TLE2: variants seen among roughly 807,000 people sequenced by gnomAD.
TLE2 encodes the protein TLE family member 2, transcriptional corepressor.
Under a neutral mutation model 97.2 loss-of-function variants are expected in TLE2, and 74 were observed. That is an observed-to-expected ratio of 0.76 (90% confidence interval 0.63 to 0.92). The LOEUF is 0.92. Ranked by LOEUF, TLE2 falls within the 40% of genes least tolerant of loss-of-function variation. The pLI, the probability that TLE2 is intolerant of heterozygous loss-of-function variation, is 0.00. For missense variants in TLE2, 1,038 were observed against 1,008.7 expected, an observed-to-expected ratio of 1.03 and a Z score of -0.39; for synonymous variants, 499 against 432.1, an observed-to-expected ratio of 1.15 and a Z score of -1.92.
At chr19:3,015,600 G>A in intron 9 of TLE2, 53 bp downstream of exon 9, 1 of 1,450,292 alleles carries the variant, frequency 6.9e-7, no homozygotes. Flanking sequence ...TGAGGGGCCA[G>A]GCTGGTCTGG....
chr19:3,020,153 T>G (rs2089807569), intron 5 of TLE2: 1 of 208,370 alleles, frequency 4.8e-6, no homozygotes, highest in South Asian at 8.6e-5. Flanking sequence ...GGAGAATCGC[T>G]TGAACCCGGG....
intron 13 of TLE2, 71 bp downstream of exon 13, chr19:3,009,471 T>C (rs2089543928): frequency 1.3e-6 from 2 of 1,481,690 alleles, no homozygotes; most frequent in East Asian, 4.8e-5. Context: ...CCTTGTGTAG[T>C]TGGTTTCTCC....
Position 3,005,752 on chromosome 19 carries a change from C to T in TLE2, c.1717G>A (p.Val573Ile), listed in dbSNP as rs371755300. The T allele has an allele frequency of 6.2e-6, 10 of 1,613,816 alleles. No homozygotes were observed. The highest frequency in any genetic ancestry group is 1.3e-5 in the African/African-American group (1 of 74,920). The change falls in exon 16 of 20, where the codon GTC (valine) becomes ATC (isoleucine). Residue 573 changes from valine (V) to isoleucine (I), a missense_variant. Val to Ile is a conservative substitution (Grantham distance 29). Coordinates refer to ENST00000262953, the MANE Select transcript of TLE2 (RefSeq NM_003260.5). ...FSCCSDGNIV[V>I]WDLQNQTMVR... ...ATAGTCTGATTCTGCAGGTCCCAGA[C>T]CACAATGTTGCCATCGCTGCAGCAG...
At chr19:3,028,859 C>T (rs750792928) in intron 1 of TLE2, 22 bp downstream of exon 1, 53 of 1,611,656 alleles carry the variant, frequency 3.3e-5, no homozygotes, top group Admixed American at 1.0e-4. Context: ...CTGGGGGCCC[C>T]CTCCCCGCAG....
chr19:3,043,268 A>G (rs2090117682), intron 1 of TLE2, among the ~76,000 whole-genome samples: 1 of 148,906 alleles, frequency 6.7e-6, no homozygotes, highest in African/African-American at 2.5e-5. Context: ...ATCGTACACT[A>G]CCATGCCCGG....
intron 15 of TLE2, 77 bp downstream of exon 15, chr19:3,006,343 T>G (rs2089476849): frequency 6.5e-7 from 1 of 1,542,602 alleles, no homozygotes; most frequent in Admixed American, 1.8e-5. Context: ...ACGGCCAGCC[T>G]GCGAACACCG....
At chr19:3,039,572 C>T (rs1371862435) in intron 1 of TLE2, among the ~76,000 whole-genome samples, 1 of 152,178 alleles carries the variant, frequency 6.6e-6, no homozygotes, top group East Asian at 1.9e-4. Context: ...CCTACCTGCT[C>T]AGCTTCCCTC....
rs201746954 is a variant in TLE2 at position 3,000,671 on chromosome 19, C to T, written c.2100G>A (p.Thr700=). ...CCTGGAAAATGCTGGCCCCGTACGG[C>T]GTCCTCCAGGCGTTGAGCAGGTTGT... The part of the protein sequence containing the change: ...GKDNLLNAWR[T]PYGASIFQSK... Residue 700 remains threonine, a synonymous_variant, in exon 19 of 20, where the codon ACG becomes ACA. Coordinates refer to ENST00000262953, the MANE Select transcript of TLE2 (RefSeq NM_003260.5). The T allele has an allele frequency of 1.2e-5, 19 of 1,592,892 alleles. No homozygotes were observed. Among genetic ancestry groups the T allele is most frequent in the Middle Eastern group, 1.7e-4 (1 of 5,984 alleles).
upstream of TLE2, among the ~76,000 whole-genome samples, chr19:3,046,911 C>T (rs1169989200): frequency 3.0e-4 from 38 of 128,226 alleles, no homozygotes; most frequent in African/African-American, 1.0e-3. Flanking sequence ...CCCCTCCTCC[C>T]TCTCCTCCTC....
intron 1 of TLE2, among the ~76,000 whole-genome samples, chr19:3,040,018 C>T (rs562703506): frequency 6.6e-6 from 1 of 152,320 alleles, no homozygotes; most frequent in Non-Finnish European, 1.5e-5. Flanking sequence ...GGAGTGTGTG[C>T]GGCCCAGCGG....
chr19:3,015,939 C>CTGTTT (rs67167576), intron 8 of TLE2, 179 bp from the exon 9 acceptor site: 26 of 689,522 alleles, frequency 3.8e-5, no homozygotes, highest in African/African-American at 3.2e-4. Context: ...GTTCTCTCTT[C>CTGTTT]TGTTTTGTTT....
At chr19:3,032,435 G>A (rs2090032548), upstream of TLE2, among the ~76,000 whole-genome samples, 2 of 151,204 alleles carry the variant, frequency 1.3e-5, no homozygotes, top group Admixed American at 6.6e-5. This position sits in a 1 kb window ranked among gnomAD's most constrained non-coding sequence, Gnocchi z 4.1. Flanking sequence ...ACCGGCTTTC[G>A]CTATGTTGGC....
At chr19:3,016,791 T>G (rs1207939530) in intron 8 of TLE2, among the ~76,000 whole-genome samples, 1 of 151,884 alleles carries the variant, frequency 6.6e-6, no homozygotes, top group East Asian at 1.9e-4. Context: ...AATTTTTTTT[T>G]CTTTTGAGAT....
intron 17 of TLE2, among the ~76,000 whole-genome samples, chr19:3,004,496 G>C (rs746407119): frequency 6.6e-6 from 1 of 151,620 alleles, no homozygotes; most frequent in South Asian, 2.1e-4. Context: ...AAAATTAGCC[G>C]AGCATGGTGG....
chr19:3,005,958 T>G lies in TLE2; in HGVS notation c.1511A>C (p.Asn504Thr). Residue 504 changes from asparagine to threonine, a missense_variant, in exon 16 of 20, where the codon AAC becomes ACC. Physicochemically the swap from Asn to Thr is moderately conservative, Grantham distance 65. Transcript: ENST00000262953. ...CAGCAACTTGCAGGAACGAATGTAG[T>G]TGTCTCGGTTCTGGGGTCGGGGAGA... ...VAQLDCLNRD[N>T]YIRSCKLLPD... 4 of 1,610,346 alleles carry G rather than the reference T, an allele frequency of 2.5e-6. No individual in the cohort carries two copies. The highest frequency in any genetic ancestry group is 3.4e-6 in the Non-Finnish European group (4 of 1,177,002).
chr19:3,019,263 A>C lies in TLE2; in HGVS notation c.550+20T>G. On this transcript the variant is annotated intron_variant, in intron 7 of 19. Coordinates refer to ENST00000262953, the MANE Select transcript of TLE2 (RefSeq NM_003260.5). This position sits in a 1 kb window ranked among gnomAD's most constrained non-coding sequence, Gnocchi z 5.1. ...CAGCCCCGTCTCCCCAGCCAATGCC[A>C]CCCCGTGCTGCCCACTCACCTCTGG... 3.2e-6 allele frequency: 5 copies of C among 1,563,494 alleles called. No individual in the cohort carries two copies. Among genetic ancestry groups the C allele is most frequent in the African/African-American group, 1.4e-5 (1 of 73,746 alleles).
chr19:3,007,694 C>T (rs2089506490), intron 14 of TLE2, among the ~76,000 whole-genome samples: 1 of 152,196 alleles, frequency 6.6e-6, no homozygotes, highest in South Asian at 2.1e-4. Context: ...CGAGGACCCA[C>T]AAAGAAACCT....
At chr19:3,000,033 CA>C (rs974743198) in intron 19 of TLE2, among the ~76,000 whole-genome samples, 5 of 145,188 alleles carry the variant, frequency 3.4e-5, no homozygotes, top group Admixed American at 6.9e-5. Context: ...ATTCTGTCTC[CA>C]AAAAAAAAGA....
At chr19:3,011,370 A>G (rs781146430) in intron 11 of TLE2, among the ~76,000 whole-genome samples, 2 of 151,708 alleles carry the variant, frequency 1.3e-5, no homozygotes, top group African/African-American at 4.8e-5. Flanking sequence ...TCTACTAAAA[A>G]TACAAAAAAA....
Sources: allele counts gnomAD v4.1 joint callset (sites outside exome capture counted in the v4.1 genomes callset), GRCh38; gene constraint gnomAD v4.1.1; non-coding constraint Gnocchi (gnomAD v3.1); transcripts MANE v1.5; gene names NCBI Gene and HGNC (gene_info 2026-07-23, HGNC 2026-07-21).